AGAP3: variants seen among roughly 807,000 people sequenced by gnomAD.
AGAP3 encodes the protein ArfGAP with GTPase domain, ankyrin repeat and PH domain 3.
In AGAP3, 24 loss-of-function variants were observed where a neutral mutation model predicts 96.9. That is an observed-to-expected ratio of 0.25 (90% CI 0.18 to 0.35). AGAP3 has a LOEUF of 0.35. Ranked by LOEUF, AGAP3 falls within the 10% of genes least tolerant of loss-of-function variation. The pLI, the probability that AGAP3 is intolerant of heterozygous loss-of-function variation, is 1.00. For synonymous variants in AGAP3, 563 were observed against 536.1 expected, an observed-to-expected ratio of 1.05 and a Z score of -0.69; for missense variants, 876 against 1,254.2, an observed-to-expected ratio of 0.70 and a Z score of 4.55.
In AGAP3 at chr7:151,141,111, C is replaced by T. The variant is rs561979471; in HGVS notation, c.1805-787C>T. The T allele has an allele frequency of 2.6e-5, 4 of 152,282 alleles. No homozygotes were observed. In the East Asian group the frequency reaches 7.7e-4, roughly 29 times the overall value. 9.4% of individuals were successfully genotyped at this position (152,282 alleles called of 1,614,324 possible). On this transcript the variant is annotated intron_variant, in intron 13 of 17. Coordinates refer to ENST00000397238, the MANE Select transcript of AGAP3 (RefSeq NM_031946.7). The surrounding 1 kb of genome is among the most constrained non-coding windows in gnomAD (Gnocchi z 4.2). ...GCCTTACCACAGGCACCTGTGCTGT[C>T]TTTCCAGCCCCCAGGACACAGTCAC...
chr7:151,138,957 TC>T (rs754541363), intron 12 of AGAP3, among the ~76,000 whole-genome samples: 8 of 152,194 alleles, frequency 5.3e-5, no homozygotes, highest in Non-Finnish European at 1.0e-4. Context: ...CCAGGGCTCT[TC>T]CGTTTGCCCC....
At chr7:151,127,911 GT>G (rs2150507214) in intron 9 of AGAP3, among the ~76,000 whole-genome samples, 1 of 152,320 alleles carries the variant, frequency 6.6e-6, no homozygotes, top group African/African-American at 2.4e-5. Flanking sequence ...CCCAGGCCCT[GT>G]CCCCGGGGCA....
At chr7:151,121,264 T>C (rs1799876278) in intron 8 of AGAP3, among the ~76,000 whole-genome samples, 1 of 152,140 alleles carries the variant, frequency 6.6e-6, no homozygotes, top group Admixed American at 6.5e-5. Context: ...CCGCCACACA[T>C]TGCAGCTGCC....
At chr7:151,123,943 C>T in intron 9 of AGAP3, 57 bp downstream of exon 9, 7 of 1,546,032 alleles carry the variant, frequency 4.5e-6, no homozygotes, top group Non-Finnish European at 5.3e-6. Context: ...AGGAATGTGG[C>T]GCTTCCCAGG....
intron 1 of AGAP3, among the ~76,000 whole-genome samples, chr7:151,087,641 A>C (rs1489999284): frequency 2.0e-5 from 3 of 152,158 alleles, no homozygotes; most frequent in Admixed American, 6.5e-5. Flanking sequence ...AGGCGCCGGC[A>C]GGTCCATCCG....
In AGAP3 at chr7:151,117,788, G is replaced by A; in HGVS notation, c.706+11G>A. 1 of 1,609,188 alleles carries A rather than the reference G, an allele frequency of 6.2e-7. No individual in the cohort carries two copies. The highest frequency in any genetic ancestry group is 8.5e-7 in the Non-Finnish European group (1 of 1,177,158). On this transcript the variant is annotated intron_variant, in intron 5 of 17. Transcript: ENST00000397238. ...TTGTGGGCACGCAGGGTGAGGCGGG[G>A]CCCTGCAGGAGCTGGCAGAGAGCAG...
intron 1 of AGAP3, among the ~76,000 whole-genome samples, chr7:151,101,577 C>T (rs933659609): frequency 3.9e-5 from 6 of 152,146 alleles, no homozygotes; most frequent in Admixed American, 6.5e-5. Flanking sequence ...GTGTCCTGCC[C>T]GTGAGCAAAG....
intron 8 of AGAP3, chr7:151,123,458 T>C: frequency 7.7e-6 from 9 of 1,161,302 alleles, no homozygotes; most frequent in Non-Finnish European, 9.6e-6. Flanking sequence ...CGCCCTGTGC[T>C]CCCGACCAGC....
At position 151,114,965 on chromosome 7, in the gene AGAP3, G is replaced by C; in HGVS notation, c.332-1828G>C. The C allele has an allele frequency of 1.1e-5, 11 of 982,594 alleles. No individual in the cohort carries two copies. Among genetic ancestry groups the C allele is most frequent in the Non-Finnish European group, 1.1e-5 (9 of 830,040 alleles). 60.9% of individuals were successfully genotyped at this position (982,594 alleles called of 1,614,324 possible). ...CGCGGAGCGTGTGCTCGGGCGGCCC[G>C]GAGCCGCCGCCCACCGGCGCCCGCG... On this transcript the variant is annotated intron_variant, in intron 1 of 17. Transcript: ENST00000397238. This position sits in a 1 kb window ranked among gnomAD's most constrained non-coding sequence, Gnocchi z 4.4.
intron 1 of AGAP3, chr7:151,116,544 G>C: frequency 1.8e-6 from 1 of 551,128 alleles, no homozygotes; most frequent in Non-Finnish European, 3.2e-6. Flanking sequence ...ACACAGGGCC[G>C]AAACCAGGGG....
intron 1 of AGAP3, among the ~76,000 whole-genome samples, chr7:151,106,839 G>C (rs1399080579): frequency 1.3e-5 from 2 of 152,078 alleles, no homozygotes; most frequent in African/African-American, 4.8e-5. Context: ...CAGCCTGTCT[G>C]AATCTTTTAA....
chr7:151,097,170 A>G (rs1471622544), intron 1 of AGAP3, among the ~76,000 whole-genome samples: 1 of 152,184 alleles, frequency 6.6e-6, no homozygotes, highest in Non-Finnish European at 1.5e-5. Flanking sequence ...TTAACCCAGT[A>G]TATTCAAAAT....
At chr7:151,095,821 C>G (rs1479810344) in intron 1 of AGAP3, among the ~76,000 whole-genome samples, 3 of 152,022 alleles carry the variant, frequency 2.0e-5, no homozygotes, top group South Asian at 2.1e-4. Context: ...CCCCTGCCCC[C>G]CTGCCACCCC....
rs752615273 is a variant in AGAP3, at chr7:151,140,269, T to C, written c.1804+153T>C. The C allele has an allele frequency of 3.3e-6, 3 of 905,974 alleles. No homozygotes were observed. Among genetic ancestry groups the C allele is most frequent in the Non-Finnish European group, 4.4e-6 (3 of 679,644 alleles). The allele number at this position is 905,974 out of a possible 1,614,324, so 56.1% of individuals were successfully genotyped here. On this transcript the variant is annotated intron_variant, in intron 13 of 17. Transcript: ENST00000397238. The surrounding 1 kb of genome is among the most constrained non-coding windows in gnomAD (Gnocchi z 5.4). ...AATCAAAGTAGTTCTACAGCTTCTT[T>C]TGGTAATCTAGACCTGGTATCTTAG... is the stretch of plus-strand genomic sequence containing the variant.
intron 9 of AGAP3, 95 bp from the exon 10 acceptor site, chr7:151,128,485 A>AG (rs1800270952): frequency 7.1e-6 from 7 of 983,010 alleles, no homozygotes; most frequent in Admixed American, 2.0e-5. Context: ...AGAAGCGGGG[A>AG]GGGGGGAGGG....
chr7:151,121,209 T>A (rs1028738878), intron 8 of AGAP3, among the ~76,000 whole-genome samples: 2 of 152,098 alleles, frequency 1.3e-5, no homozygotes, highest in African/African-American at 4.8e-5. Context: ...GCCCGCCACC[T>A]GCCCTCGCGG....
intron 1 of AGAP3, among the ~76,000 whole-genome samples, chr7:151,093,047 G>A (rs1798459846): frequency 6.6e-6 from 1 of 152,296 alleles, no homozygotes; most frequent in African/African-American, 2.4e-5. Context: ...TGAGGCGTCT[G>A]TCTCCCATGG....
chr7:151,139,306 G>A lies in AGAP3; in HGVS notation c.1667-673G>A, dbSNP rs1800730332. On this transcript the variant is annotated intron_variant, in intron 12 of 17. Coordinates refer to ENST00000397238, the MANE Select transcript of AGAP3 (RefSeq NM_031946.7). This position sits in a 1 kb window ranked among gnomAD's most constrained non-coding sequence, Gnocchi z 4.9. ...AGGAGCTGGGCGGTGCCAGCACGGGGATCTGCCCCACCTCCCAATCCATGC... is the reference window on the plus strand; with the variant it reads ...AGGAGCTGGGCGGTGCCAGCACGGGAATCTGCCCCACCTCCCAATCCATGC... Among the ~76,000 whole-genome samples the A allele has an allele frequency of 6.6e-6, 1 of 152,206 alleles. No homozygotes were observed. Among genetic ancestry groups the A allele is most frequent in the African/African-American group, 2.4e-5 (1 of 41,446 alleles).
At chr7:151,113,672 G>A (rs1799400234) in intron 1 of AGAP3, among the ~76,000 whole-genome samples, 1 of 152,200 alleles carries the variant, frequency 6.6e-6, no homozygotes, top group Admixed American at 6.5e-5. Context: ...ATCCGTGGCT[G>A]GTATTGAGGC....
Sources: allele counts gnomAD v4.1 joint callset (sites outside exome capture counted in the v4.1 genomes callset), GRCh38; gene constraint gnomAD v4.1.1; non-coding constraint Gnocchi (gnomAD v3.1); transcripts MANE v1.5; gene names NCBI Gene and HGNC (gene_info 2026-07-23, HGNC 2026-07-21).